Variants in PHF8 observed in about 807,000 individuals in gnomAD.
The protein encoded by PHF8 is PHD finger protein 8, also known as histone lysine demethylase PHF8.
A neutral mutation model predicts 74.4 loss-of-function variants in PHF8; 9 were observed. The ratio of observed to expected loss-of-function variants is 0.12; its 90% CI spans 0.07 to 0.21. The LOEUF is 0.21. Among genes scored for constraint, PHF8 ranks in the 10% least tolerant of loss-of-function variants. PHF8 has a pLI of 1.00. For missense variants in PHF8, 478 were observed against 816.6 expected (o/e 0.59, Z 5.05); for synonymous variants, 311 against 316.6 (o/e 0.98, Z 0.19).
chrX:53,972,877 T>A (rs1417127192), intron 18 of PHF8, among the ~76,000 whole-genome samples: 1 of 111,695 alleles, frequency 9.0e-6, no homozygotes, highest in African/African-American at 3.2e-5. Context: ...TCAGATGACA[T>A]GATCCTATAT....
chrX:53,946,584 C>G (rs2064835520), intron 19 of PHF8, among the ~76,000 whole-genome samples: 1 of 112,031 alleles, frequency 8.9e-6, no homozygotes, highest in African/African-American at 3.2e-5. Context: ...ACACCAGTGT[C>G]AACAACAAAT....
At chrX:53,962,557 A>G (rs781901842) in intron 19 of PHF8, among the ~76,000 whole-genome samples, 5 of 111,417 alleles carry the variant, frequency 4.5e-5, no homozygotes, top group Non-Finnish European at 9.4e-5. Flanking sequence ...CTGCTTGCTA[A>G]AATCTGTTCA....
At chrX:54,045,220 G>A, upstream of PHF8, 1 of 219,495 alleles carries the variant, frequency 4.6e-6, no homozygotes, top group Non-Finnish European at 8.2e-6. Flanking sequence ...TAGCCTGAGG[G>A]GAGGGGAGAG....
chrX:54,041,762 T>A (rs1300516536), intron 2 of PHF8, among the ~76,000 whole-genome samples: 6 of 112,453 alleles, frequency 5.3e-5, no homozygotes, highest in African/African-American at 1.9e-4. Flanking sequence ...AATAAAATAC[T>A]CTTCCATTTC....
Position 53,938,019 on chromosome X carries a change from G to A in PHF8, c.*1139C>T, listed in dbSNP as rs1261930821. On this transcript the variant is annotated 3_prime_UTR_variant, in exon 22 of 22. Transcript: ENST00000338154. The stretch of plus-strand genomic sequence containing the variant: ...TCTCTTCTCTTCAACTTGGGCTCGT[G>A]AATGGCCTGTCTGCATTCTGCTTGA... The A allele has an allele frequency of 2.3e-5, 27 of 1,162,766 alleles. No individual in the cohort carries two copies. The highest frequency in any genetic ancestry group is 3.0e-5 in the Non-Finnish European group (26 of 871,838).
At chrX:54,003,574 T>C (rs1193064235) in intron 8 of PHF8, among the ~76,000 whole-genome samples, 2 of 111,601 alleles carry the variant, frequency 1.8e-5, no homozygotes. Flanking sequence ...GGAGAATCAC[T>C]TGAACCCGGG....
intron 4 of PHF8, among the ~76,000 whole-genome samples, chrX:54,021,477 T>A (rs2066172757): frequency 1.2e-5 from 1 of 84,343 alleles, no homozygotes; most frequent in Non-Finnish European, 2.3e-5. Context: ...TTTTTTTTTT[T>A]TTTTTTTTTG....
intron 15 of PHF8, 127 bp from the exon 16 acceptor site, chrX:53,987,290 G>A: frequency 2.0e-6 from 1 of 489,123 alleles, no homozygotes; most frequent in African/African-American, 2.3e-5. Flanking sequence ...AGAGGTTAGG[G>A]ATCAGGTGAT....
intron 20 of PHF8, among the ~76,000 whole-genome samples, chrX:53,940,926 T>C (rs1364261158): frequency 8.9e-6 from 1 of 112,364 alleles, no homozygotes; most frequent in Non-Finnish European, 1.9e-5. Flanking sequence ...AAAATCCTAA[T>C]TTTACATATG....
chrX:53,957,341 C>T (rs2149790393), intron 19 of PHF8, among the ~76,000 whole-genome samples: 1 of 108,593 alleles, frequency 9.2e-6, no homozygotes, highest in South Asian at 4.2e-4. Context: ...GACAGAACGA[C>T]TCTGTCTCAA....
At chrX:54,022,474 G>C in intron 3 of PHF8, 107 bp from the exon 4 acceptor site, 1 of 580,228 alleles carries the variant, frequency 1.7e-6, no homozygotes, top group Non-Finnish European at 3.0e-6. Context: ...CCACCCCTTG[G>C]AGCATCTGGA....
At chrX:54,020,702 A>G (rs1386657690) in intron 4 of PHF8, among the ~76,000 whole-genome samples, 1 of 111,920 alleles carries the variant, frequency 8.9e-6, no homozygotes, top group Non-Finnish European at 1.9e-5. Flanking sequence ...AAATAAACAA[A>G]TAAAACAAGA....
In PHF8 at chrX:53,995,756, G is replaced by A. The variant is rs1557102662; in HGVS notation, c.1260C>T (p.Ile420=). ...KEALPDHEDE[I]PETVRTVQLI... ...GCTGTACGGTTCGCACTGTCTCCGGGATCTCATCCTCATGGTCTGGCAGAG... is the reference window on the plus strand; with the variant it reads ...GCTGTACGGTTCGCACTGTCTCCGGAATCTCATCCTCATGGTCTGGCAGAG... Residue 420 remains isoleucine, a synonymous_variant, in exon 12 of 22, where the codon ATC becomes ATT. Transcript: ENST00000338154. 1.7e-6 allele frequency: 2 copies of A among 1,197,314 alleles called. No homozygotes were observed.
chrX:53,983,691 T>C (rs1351350645), intron 18 of PHF8, among the ~76,000 whole-genome samples: 1 of 112,328 alleles, frequency 8.9e-6, no homozygotes, highest in Non-Finnish European at 1.9e-5. Flanking sequence ...GTAAGAATTT[T>C]CATTGCAGCA....
chrX:53,995,530 A>G (rs782709268), intron 12 of PHF8, among the ~76,000 whole-genome samples, 163 bp downstream of exon 12: 1 of 112,184 alleles, frequency 8.9e-6, no homozygotes, highest in Non-Finnish European at 1.9e-5. Context: ...TGTGCGGCAC[A>G]CTTGAAACAC....
chrX:53,972,425 G>A (rs1557094919), intron 18 of PHF8, among the ~76,000 whole-genome samples: 3 of 109,342 alleles, frequency 2.7e-5, no homozygotes, highest in Non-Finnish European at 5.7e-5. Context: ...ACTGAATCCA[G>A]CAGCACATCT....
chrX:53,989,753 T>A (rs1420197305), intron 14 of PHF8, among the ~76,000 whole-genome samples: 1 of 112,159 alleles, frequency 8.9e-6, no homozygotes, highest in Non-Finnish European at 1.9e-5. Flanking sequence ...TGACTTTCAG[T>A]GAATTGTCTG....
At chrX:53,957,446 G>A (rs1285613091) in intron 19 of PHF8, among the ~76,000 whole-genome samples, 7 of 109,798 alleles carry the variant, frequency 6.4e-5, no homozygotes, top group Non-Finnish European at 1.1e-4. Flanking sequence ...GCTTGAACCC[G>A]GGAGGCAGAG....
intron 2 of PHF8, among the ~76,000 whole-genome samples, chrX:54,027,202 T>C (rs1603341113): frequency 9.0e-6 from 1 of 111,296 alleles, no homozygotes; most frequent in Non-Finnish European, 1.9e-5. Context: ...ACAAGTCTAT[T>C]GATGTTTACA....
Sources: gnomAD v4.1 joint callset for allele counts (sites outside exome capture counted in the v4.1 genomes callset) on GRCh38, gnomAD v4.1.1 for gene constraint, MANE v1.5 for transcripts, NCBI Gene and HGNC (gene_info 2026-07-23, HGNC 2026-07-21) for gene names.